Variants in CADPS observed in about 807,000 individuals in gnomAD.
CADPS encodes the protein calcium-dependent secretion activator 1.
Under a neutral mutation model 167.3 loss-of-function variants are expected in CADPS, and 57 were observed. That is an observed-to-expected ratio of 0.34 (90% CI 0.28 to 0.42). The LOEUF is 0.42. Among genes scored for constraint, CADPS ranks in the 20% least tolerant of loss-of-function variants. CADPS has a pLI of 1.00. For synonymous variants in CADPS, 676 were observed against 635.3 expected (o/e 1.06, Z -0.96); for missense variants, 1,414 against 1,738.1 (o/e 0.81, Z 3.32).
At chr3:62,873,257 T>C (rs2153225218) in intron 1 of CADPS, among the ~76,000 whole-genome samples, 1 of 152,338 alleles carries the variant, frequency 6.6e-6, no homozygotes, top group South Asian at 2.1e-4. Flanking sequence ...GAGAAATCTG[T>C]GCTAACTCAA....
chr3:62,572,734 C>T (rs1049086441), intron 8 of CADPS, among the ~76,000 whole-genome samples: 25 of 152,120 alleles, frequency 1.6e-4, no homozygotes, highest in Non-Finnish European at 2.9e-4. Flanking sequence ...TATTAAAATA[C>T]ATAAATGATT....
At chr3:62,527,731 C>CTGAGTTAATAAT (rs2072655049) in intron 13 of CADPS, among the ~76,000 whole-genome samples, 1 of 152,064 alleles carries the variant, frequency 6.6e-6, no homozygotes, top group Non-Finnish European at 1.5e-5. Flanking sequence ...TCTGCCTCTG[C>CTGAGTTAATAAT]CGGTGGAAAT....
chr3:62,874,474 G>T lies in CADPS; in HGVS notation c.441+115C>A. ...GGCCTCGTAGCCCTTTCCCCAGGGC[G>T]CGGTCTCCACCTCTCCTGCTCCTCC... On this transcript the variant is annotated intron_variant, in intron 1 of 29. Coordinates refer to ENST00000383710, the MANE Select transcript of CADPS (RefSeq NM_003716.4). The surrounding 1 kb of genome is among the most constrained non-coding windows in gnomAD (Gnocchi z 7.1). 1 of 768,562 alleles carries T rather than the reference G, an allele frequency of 1.3e-6. No individual in the cohort carries two copies. 47.6% of individuals were successfully genotyped at this position (768,562 alleles called of 1,614,324 possible).
chr3:62,595,527 A>G (rs17651503), intron 6 of CADPS, among the ~76,000 whole-genome samples: 17,385 of 152,256 alleles, frequency 0.11, 1,193 homozygotes, highest in South Asian at 0.19. Context: ...TAAAGAACAA[A>G]CAGCTGCAAG....
chr3:62,610,883 G>A (rs369011865), intron 6 of CADPS, among the ~76,000 whole-genome samples: 53 of 151,664 alleles, frequency 3.5e-4, no homozygotes, highest in Admixed American at 1.3e-3. Flanking sequence ...TAATTGGGAG[G>A]GGGGTGTGGG....
At chr3:62,791,736 A>C (rs961166968) in intron 1 of CADPS, among the ~76,000 whole-genome samples, 1 of 152,232 alleles carries the variant, frequency 6.6e-6, no homozygotes, top group African/African-American at 2.4e-5. Flanking sequence ...ACTATGCAGT[A>C]CAGCATGGCA....
chr3:62,674,493 TGA>T (rs1351857031), intron 3 of CADPS, among the ~76,000 whole-genome samples: 1 of 152,136 alleles, frequency 6.6e-6, no homozygotes, highest in Non-Finnish European at 1.5e-5. Context: ...TTTAAAAGGG[TGA>T]GTTTCATCTT....
At chr3:62,845,855 T>C (rs186297569) in intron 1 of CADPS, among the ~76,000 whole-genome samples, 2 of 152,276 alleles carry the variant, frequency 1.3e-5, no homozygotes, top group African/African-American at 2.4e-5. Context: ...TGTGCTTTGA[T>C]AGTTATATCT....
chr3:62,774,532 T>C (rs1261883980), intron 1 of CADPS, among the ~76,000 whole-genome samples: 1 of 152,238 alleles, frequency 6.6e-6, no homozygotes, highest in Admixed American at 6.5e-5. Flanking sequence ...GTTTTGTTTA[T>C]GTAAGTTGTT....
At chr3:62,873,383 TG>T (rs2082985180) in intron 1 of CADPS, among the ~76,000 whole-genome samples, 1 of 152,250 alleles carries the variant, frequency 6.6e-6, no homozygotes, top group Non-Finnish European at 1.5e-5. Flanking sequence ...ACAGTCTTGA[TG>T]GGGTTAGGAC....
At chr3:62,532,706 G>T (rs924736291) in intron 13 of CADPS, among the ~76,000 whole-genome samples, 165 bp downstream of exon 13, 1 of 133,044 alleles carries the variant, frequency 7.5e-6, no homozygotes, top group African/African-American at 2.8e-5. Context: ...GGAGAAGAAA[G>T]TTAGTGCCCT....
intron 9 of CADPS, among the ~76,000 whole-genome samples, chr3:62,566,054 T>C (rs2080119572): frequency 6.6e-6 from 1 of 152,256 alleles, no homozygotes; most frequent in Non-Finnish European, 1.5e-5. Context: ...AATTGTGTGC[T>C]GCTAGCTCTC....
chr3:62,450,048 T>C (rs1240134761), intron 26 of CADPS, among the ~76,000 whole-genome samples: 1 of 152,144 alleles, frequency 6.6e-6, no homozygotes, highest in Non-Finnish European at 1.5e-5. Flanking sequence ...GGCTTACCGG[T>C]GTAGACAAAG....
At chr3:62,854,328 A>G (rs2079221624) in intron 1 of CADPS, among the ~76,000 whole-genome samples, 1 of 152,236 alleles carries the variant, frequency 6.6e-6, no homozygotes, top group Non-Finnish European at 1.5e-5. Flanking sequence ...GGTCATGGCA[A>G]GCAATCAATG....
In CADPS at chr3:62,491,498, A is replaced by G. The variant is rs1236082086; in HGVS notation, c.2885-18T>C. 6.2e-7 allele frequency: 1 copy of G among 1,611,000 alleles called. No individual in the cohort carries two copies. ...CAAATTATCTAGAACAGATAAGCAA[A>G]AGCTTGTTAAGAACCCACAGCTACT... On this transcript the variant is annotated intron_variant, in intron 20 of 29. Coordinates refer to ENST00000383710, the MANE Select transcript of CADPS (RefSeq NM_003716.4).
At chr3:62,691,826 T>G (rs972390296) in intron 3 of CADPS, among the ~76,000 whole-genome samples, 1 of 152,028 alleles carries the variant, frequency 6.6e-6, no homozygotes, top group Non-Finnish European at 1.5e-5. Context: ...TAAAAGATGC[T>G]GGGCTTAATA....
rs2151985794 is a variant in CADPS, at chr3:62,533,049, T to C, written c.2113A>G (p.Ser705Gly). ...TCTAGTACAAACACCTGGCCAGGAC[T>C]GAACCAGCCCTATATAAAGAATAAA... Reference protein sequence around the residue: ...NDSYSCLGWFSPGQVFVLDEY... With the variant: ...NDSYSCLGWFGPGQVFVLDEY... Residue 705 changes from serine (S) to glycine (G), a missense_variant, in exon 13 of 30, where the codon AGT (serine) becomes GGT (glycine). By Grantham distance (56) the Ser-to-Gly change is moderately conservative. Transcript: ENST00000383710. The C allele has an allele frequency of 6.2e-7, 1 of 1,613,542 alleles. No individual in the cohort carries two copies. Among genetic ancestry groups the C allele is most frequent in the Non-Finnish European group, 8.5e-7 (1 of 1,179,610 alleles).
At chr3:62,701,680 C>A (rs2081423888) in intron 3 of CADPS, among the ~76,000 whole-genome samples, 1 of 151,046 alleles carries the variant, frequency 6.6e-6, no homozygotes, top group African/African-American at 2.4e-5. Context: ...GATTTCAAAG[C>A]ACCTGCAGGC....
Position 62,438,231 on chromosome 3 carries a change from C to T in CADPS, c.3670-20G>A, listed in dbSNP as rs2055552823. On this transcript the variant is annotated intron_variant, in intron 27 of 29. Coordinates refer to ENST00000383710, the MANE Select transcript of CADPS (RefSeq NM_003716.4). This position sits in a 1 kb window ranked among gnomAD's most constrained non-coding sequence, Gnocchi z 4.7. ...GGGTTTCTGTAAAGAAACAGGAAAA[C>T]ATGAAAACGAATTTTCAGACAGCCA... The T allele has an allele frequency of 6.3e-7, 1 of 1,586,764 alleles. No homozygotes were observed. The highest frequency in any genetic ancestry group is 1.1e-5 in the South Asian group (1 of 90,448).
Sources: allele counts gnomAD v4.1 joint callset (sites outside exome capture counted in the v4.1 genomes callset), GRCh38; gene constraint gnomAD v4.1.1; non-coding constraint Gnocchi (gnomAD v3.1); transcripts MANE v1.5; gene names NCBI Gene and HGNC (gene_info 2026-07-23, HGNC 2026-07-21).